Variants in IL1RAPL2 observed in about 807,000 individuals in gnomAD.
IL1RAPL2 encodes the protein X-linked interleukin-1 receptor accessory protein-like 2.
IL1RAPL2 carries 3 observed loss-of-function variants against 44.1 expected under a neutral mutation model. That is an observed-to-expected ratio of 0.07 (90% CI 0.03 to 0.18). The LOEUF (loss-of-function observed/expected upper bound fraction) is 0.18, where lower values mean the gene tolerates loss of function less well. Among genes scored for constraint, IL1RAPL2 ranks in the 10% least tolerant of loss-of-function variants. IL1RAPL2 has a pLI of 1.00. For missense variants in IL1RAPL2, 391 were observed against 496.4 expected (o/e 0.79, Z 2.02); for synonymous variants, 181 against 178.8 (o/e 1.01, Z -0.10).
Position 105,767,271 on chromosome X carries a change from C to T in IL1RAPL2, c.1671C>T (p.Pro557=). The T allele has an allele frequency of 8.3e-7, 1 of 1,211,399 alleles. No individual in the cohort carries two copies. Among genetic ancestry groups the T allele is most frequent in the Non-Finnish European group, 1.1e-6 (1 of 895,207 alleles). ...GGAAGCACTTAGTATATGAAATGCC[C>T]ATCAAGAAAAAAGAAATGCTACCTC... ...KFWKHLVYEM[P]IKKKEMLPRC... is the part of the protein sequence containing the mutation. Residue 557 remains proline (P), a synonymous_variant, in exon 11 of 11, where the codon CCC becomes CCT. Coordinates refer to ENST00000372582, the MANE Select transcript of IL1RAPL2 (RefSeq NM_017416.2).
At position 105,635,626 on chromosome X, in the gene IL1RAPL2, T is replaced by A. The variant is rs188594502; in HGVS notation, c.773-81741T>A. On this transcript the variant is annotated intron_variant, in intron 6 of 10. Transcript: ENST00000372582. ...TGTCTACCTAAACTTCAGAACCACT[T>A]GTGAGGTAGGGACTGTTATTTTCCC... is the stretch of plus-strand genomic sequence containing the variant. Among the ~76,000 whole-genome samples, 3 of 111,494 alleles carry A rather than the reference T, an allele frequency of 2.7e-5. No individual in the cohort carries two copies. In the East Asian group the frequency reaches 8.6e-4, roughly 32 times the overall value.
chrX:105,692,888 A>G (rs2038047309), intron 6 of IL1RAPL2, among the ~76,000 whole-genome samples: 2 of 111,700 alleles, frequency 1.8e-5, no homozygotes, highest in African/African-American at 6.5e-5. Flanking sequence ...AGAGAACAAT[A>G]TATCAGTTAT....
chrX:105,286,380 A>C (rs1377673326), intron 5 of IL1RAPL2, among the ~76,000 whole-genome samples: 1 of 108,011 alleles, frequency 9.3e-6, no homozygotes, highest in Non-Finnish European at 1.9e-5. Flanking sequence ...CCACTTTGCT[A>C]TTGTCATTAT....
At chrX:104,801,020 C>T (rs1049117582) in intron 2 of IL1RAPL2, among the ~76,000 whole-genome samples, 1 of 112,901 alleles carries the variant, frequency 8.9e-6, no homozygotes, top group African/African-American at 3.2e-5. Flanking sequence ...AGTGAACAAC[C>T]AGCCACACCA....
chrX:104,848,821 T>A (rs767952932), intron 2 of IL1RAPL2, among the ~76,000 whole-genome samples: 2 of 110,488 alleles, frequency 1.8e-5, no homozygotes, highest in South Asian at 7.6e-4. Context: ...GTAAATTATT[T>A]AGTTTTTTAA....
intron 2 of IL1RAPL2, among the ~76,000 whole-genome samples, chrX:104,670,354 G>C (rs1390019659): frequency 9.0e-6 from 1 of 111,558 alleles, no homozygotes; most frequent in Non-Finnish European, 1.9e-5. Flanking sequence ...CAGCAAGCCA[G>C]CTTATTCCAC....
intron 2 of IL1RAPL2, among the ~76,000 whole-genome samples, chrX:104,693,006 G>C (rs1001790696): frequency 6.3e-5 from 7 of 111,387 alleles, no homozygotes; most frequent in Admixed American, 1.9e-4. Context: ...TCCAGCACCT[G>C]TTGTTTTCTG....
intron 5 of IL1RAPL2, among the ~76,000 whole-genome samples, chrX:105,454,293 A>C (rs766014368): frequency 9.0e-6 from 1 of 111,215 alleles, no homozygotes; most frequent in African/African-American, 3.3e-5. Flanking sequence ...TGTGTTTCCC[A>C]CTCCTTGGGA....
chrX:105,107,848 G>A (rs1052331617), intron 2 of IL1RAPL2, among the ~76,000 whole-genome samples: 1 of 111,675 alleles, frequency 9.0e-6, no homozygotes, highest in African/African-American at 3.3e-5. Context: ...GGTCACTTCT[G>A]AATCCTGATT....
intron 2 of IL1RAPL2, among the ~76,000 whole-genome samples, chrX:104,923,794 C>T (rs780902581): frequency 1.8e-5 from 2 of 110,263 alleles, no homozygotes; most frequent in East Asian, 2.9e-4. Context: ...TACAAAACTT[C>T]GCATGTCAAT....
At chrX:104,670,813 C>T (rs745600641) in intron 2 of IL1RAPL2, among the ~76,000 whole-genome samples, 2 of 111,363 alleles carry the variant, frequency 1.8e-5, no homozygotes, top group East Asian at 5.7e-4. Flanking sequence ...CATTACTGCC[C>T]ATTTTCCATA....
chrX:105,247,716 C>T (rs954017755), intron 4 of IL1RAPL2, among the ~76,000 whole-genome samples: 2 of 105,432 alleles, frequency 1.9e-5, no homozygotes, highest in Admixed American at 1.0e-4. Context: ...TTAGTTTCAT[C>T]CTCTCTTCCA....
chrX:105,145,040 G>A (rs996300034), intron 2 of IL1RAPL2, among the ~76,000 whole-genome samples: 20 of 111,619 alleles, frequency 1.8e-4, no homozygotes, highest in Admixed American at 3.8e-4. Context: ...GGGCCTGGCT[G>A]AGGACGGATG....
At chrX:104,901,312 A>G (rs1602796757) in intron 2 of IL1RAPL2, among the ~76,000 whole-genome samples, 1 of 95,782 alleles carries the variant, frequency 1.0e-5, no homozygotes, top group African/African-American at 4.0e-5. Context: ...CCGGGTTCAC[A>G]CCATTCTCCT....
chrX:104,803,020 A>G (rs1438400332), intron 2 of IL1RAPL2, among the ~76,000 whole-genome samples: 1 of 111,964 alleles, frequency 8.9e-6, no homozygotes, highest in Non-Finnish European at 1.9e-5. Flanking sequence ...CAATGTGTCT[A>G]TAAGAAGGTA....
At chrX:105,146,858 A>T (rs1173371067) in intron 2 of IL1RAPL2, among the ~76,000 whole-genome samples, 5 of 111,932 alleles carry the variant, frequency 4.5e-5, no homozygotes, top group African/African-American at 1.6e-4. Flanking sequence ...CATTACATAG[A>T]AGCTACATTG....
chrX:104,832,040 A>G (rs757452586), intron 2 of IL1RAPL2, among the ~76,000 whole-genome samples: 1 of 110,398 alleles, frequency 9.1e-6, no homozygotes, highest in African/African-American at 3.3e-5. Context: ...TTGTCTGCCT[A>G]TGTAGGAATC....
intron 1 of IL1RAPL2, among the ~76,000 whole-genome samples, chrX:104,637,360 G>C (rs1292528340): frequency 9.0e-6 from 1 of 111,393 alleles, no homozygotes; most frequent in African/African-American, 3.3e-5. Flanking sequence ...GTACCATCTT[G>C]AATAGGAGTG....
At chrX:105,178,249 CTTAT>C (rs1322440089) in intron 2 of IL1RAPL2, among the ~76,000 whole-genome samples, 2 of 111,191 alleles carry the variant, frequency 1.8e-5, no homozygotes, top group Non-Finnish European at 3.8e-5. Context: ...CTGTGACTGG[CTTAT>C]TTAACTTAAT....
Sources: allele counts gnomAD v4.1 joint callset (sites outside exome capture counted in the v4.1 genomes callset), GRCh38; gene constraint gnomAD v4.1.1; transcripts MANE v1.5; gene names NCBI Gene and HGNC (gene_info 2026-07-23, HGNC 2026-07-21).